NT5C3B: variants seen among roughly 807,000 people sequenced by gnomAD.
NT5C3B encodes 7-methylguanosine phosphate-specific 5'-nucleotidase.
In NT5C3B, 28 loss-of-function variants were observed where a neutral mutation model predicts 32.5. The observed-to-expected ratio is 0.86, with a 90% confidence interval of 0.64 to 1.18. NT5C3B has a LOEUF of 1.18. NT5C3B is among the 50% of genes most tolerant of loss of function. The probability of loss-of-function intolerance (pLI) is 0.00; values close to 1 mark genes in which losing one functional copy is unlikely to be tolerated. For missense variants in NT5C3B, 317 were observed against 322.0 expected (o/e 0.98, Z 0.12); for synonymous variants, 138 against 118.0 (o/e 1.17, Z -1.10).
intron 6 of NT5C3B, 151 bp downstream of exon 6, chr17:41,830,650 C>T (rs1258663684): frequency 6.4e-6 from 4 of 626,898 alleles, no homozygotes; most frequent in Non-Finnish European, 1.1e-5. Context: ...GTAAGAAATG[C>T]TTTAGCTGTA....
chr17:41,829,575 A>G (rs1283411570), intron 6 of NT5C3B, among the ~76,000 whole-genome samples: 2 of 152,094 alleles, frequency 1.3e-5, no homozygotes, highest in East Asian at 3.9e-4. Flanking sequence ...CTCATACACA[A>G]TGTACTCTTT....
At chr17:41,826,704 T>C (rs1298118826) in intron 8 of NT5C3B, among the ~76,000 whole-genome samples, 1 of 151,656 alleles carries the variant, frequency 6.6e-6, no homozygotes, top group South Asian at 2.1e-4. Flanking sequence ...AAATAAATTT[T>C]ATTTATTTTA....
chr17:41,831,791 CATG>C (rs2048056114), intron 5 of NT5C3B, among the ~76,000 whole-genome samples: 1 of 152,200 alleles, frequency 6.6e-6, no homozygotes. Context: ...TGCAGTGGCT[CATG>C]CCTGTAACCC....
At chr17:41,835,988 C>T (rs781936281) in intron 1 of NT5C3B, 31 bp from the exon 2 acceptor site, 14 of 1,536,230 alleles carry the variant, frequency 9.1e-6, no homozygotes, top group African/African-American at 8.3e-5. Flanking sequence ...ACCACTGACC[C>T]CTGCGCCACG....
intron 4 of NT5C3B, among the ~76,000 whole-genome samples, chr17:41,834,252 C>T (rs979424484): frequency 6.6e-6 from 1 of 151,830 alleles, no homozygotes; most frequent in South Asian, 2.1e-4. Context: ...AAAAATTAGC[C>T]GGGCATGGTG....
At chr17:41,831,816 G>A (rs2048056550) in intron 5 of NT5C3B, among the ~76,000 whole-genome samples, 1 of 152,168 alleles carries the variant, frequency 6.6e-6, no homozygotes, top group African/African-American at 2.4e-5. Flanking sequence ...AAGACTTTGG[G>A]AGGCCGAAGT....
At position 41,825,667 on chromosome 17, in the gene NT5C3B, A is replaced by G. The variant is rs782623657; in HGVS notation, c.769-10T>C. On this transcript the variant is annotated splice_polypyrimidine_tract_variant and intron_variant, in intron 8 of 8. Coordinates refer to ENST00000435506, the MANE Select transcript of NT5C3B (RefSeq NM_052935.5). ...CCCGCCGCTCCTCCACCTGCCCGGA[A>G]TGAGAGGCAGAAGCCAGAGGGTCCC... The G allele has an allele frequency of 1.1e-6, 1 of 872,646 alleles. No individual in the cohort carries two copies. Among genetic ancestry groups the G allele is most frequent in the Non-Finnish European group, 2.0e-6 (1 of 501,564 alleles). 54.1% of individuals were successfully genotyped at this position (872,646 alleles called of 1,614,324 possible).
chr17:41,825,979 C>T (rs2047954101), intron 8 of NT5C3B, among the ~76,000 whole-genome samples: 1 of 152,064 alleles, frequency 6.6e-6, no homozygotes, highest in African/African-American at 2.4e-5. Flanking sequence ...GCCCAGGCAA[C>T]ATGGCAAAAG....
intron 2 of NT5C3B, 171 bp downstream of exon 2, chr17:41,835,688 A>C (rs1555619812): frequency 1.4e-6 from 1 of 737,136 alleles, no homozygotes; most frequent in Admixed American, 2.0e-5. Context: ...GAAATCTGAA[A>C]TTTGGGTTTT....
intron 8 of NT5C3B, among the ~76,000 whole-genome samples, chr17:41,827,037 T>C (rs1597916099): frequency 6.7e-6 from 1 of 148,218 alleles, no homozygotes; most frequent in South Asian, 2.1e-4. Context: ...CTGGGTGCAG[T>C]GGCTCATGCC....
intron 6 of NT5C3B, among the ~76,000 whole-genome samples, chr17:41,830,314 T>G (rs2048029782): frequency 1.3e-5 from 2 of 152,154 alleles, no homozygotes; most frequent in African/African-American, 4.8e-5. Flanking sequence ...ATTGAGACCA[T>G]CTGGCCAACA....
At chr17:41,829,016 T>G in intron 6 of NT5C3B, 64 bp from the exon 7 acceptor site, 2 of 1,505,650 alleles carry the variant, frequency 1.3e-6, no homozygotes, top group South Asian at 1.3e-5. Context: ...GTTTCCTATT[T>G]GGGTTGTTTT....
rs2048005672 is a variant in NT5C3B at position 41,828,829 on chromosome 17, G to A, written c.528C>T (p.Asn176=). 1 of 1,613,914 alleles carries A rather than the reference G, an allele frequency of 6.2e-7. No homozygotes were observed. Among genetic ancestry groups the A allele is most frequent in the African/African-American group, 1.3e-5 (1 of 74,906 alleles). ...IIRQMKVFHP[N]IHIVSNYMDF... The stretch of plus-strand genomic sequence containing the variant: ...CCATGTAGTTAGACACGATGTGGAT[G>A]TTGGGGTGGAACACTTTCATCTGTC... Residue 176 remains asparagine (N), a synonymous_variant, in exon 7 of 9, where the codon AAC becomes AAT. Transcript: ENST00000435506.
rs782805798 is a variant in NT5C3B, at chr17:41,825,579, C to T, written c.847G>A (p.Gly283Arg). The change falls in exon 9 of 9, where the codon GGG becomes AGG. Residue 283 changes from glycine to arginine, a missense_variant. Coordinates refer to ENST00000435506, the MANE Select transcript of NT5C3B (RefSeq NM_052935.5). ...EKDETLDVVNGLLQHILCQGV... is the reference protein window; with the variant it reads ...EKDETLDVVNRLLQHILCQGV... ...TGGCACAGGATGTGCTGCAGTAGCC[C>T]GTTGACCACATCCAGAGTCTCGTCC... 1.7e-5 allele frequency: 15 copies of T among 872,740 alleles called. No individual in the cohort carries two copies. The highest frequency in any genetic ancestry group is 8.4e-5 in the Admixed American group (5 of 59,178). 54.1% of individuals were successfully genotyped at this position (872,740 alleles called of 1,614,324 possible). A position where few individuals can be genotyped will look rare whatever the true frequency, so the allele number is the denominator to read the frequency against.
chr17:41,826,582 G>A (rs1327146973), intron 8 of NT5C3B, among the ~76,000 whole-genome samples: 1 of 151,794 alleles, frequency 6.6e-6, no homozygotes, highest in East Asian at 1.9e-4. Context: ...GGAGTGCAGT[G>A]GCGCAATCTC....
rs2048123310 is a variant in NT5C3B at position 41,835,108 on chromosome 17, C to A, written c.190G>T (p.Asp64Tyr). 1 of 1,614,152 alleles carries A rather than the reference C, an allele frequency of 6.2e-7. No homozygotes were observed. Among genetic ancestry groups the A allele is most frequent in the South Asian group, 1.1e-5 (1 of 91,082 alleles). Residue 64 changes from aspartate (D) to tyrosine (Y), a missense_variant, in exon 4 of 9, where the codon GAT becomes TAT. Transcript: ENST00000435506. ...TCCTCACTGATGATCTTGCTATTATCCAGAATATCTGGAAAAAGAGAAAAC... is the reference window on the plus strand; with the variant it reads ...TCCTCACTGATGATCTTGCTATTATACAGAATATCTGGAAAAAGAGAAAAC... The part of the protein sequence containing the change: ...KRCPSSYNIL[D>Y]NSKIISEECR...
rs1555618344 is a variant in NT5C3B, at chr17:41,827,427, T to C, written c.767A>G (p.Lys256Arg). The C allele has an allele frequency of 3.4e-6, 3 of 872,438 alleles. No homozygotes were observed. In the African/African-American group the frequency reaches 4.9e-5, roughly 14 times the overall value. The allele number at this position is 872,438 out of a possible 1,614,324, so 54.0% of individuals were successfully genotyped here. A position where few individuals can be genotyped will look rare whatever the true frequency, so the allele number is the denominator to read the frequency against. ...AAGCAGCCCTGGTCCTCTACCCACC[T>C]TGTCATTCAGGAAGCCAATTTTGAG... ...NILKIGFLND[K>R]VEERRERYMD... Residue 256 changes from lysine (K) to arginine (R), a missense_variant and splice_region_variant, in exon 8 of 9, where the codon AAG becomes AGG. Physicochemically the swap from Lys to Arg is conservative, Grantham distance 26. Transcript: ENST00000435506.
At chr17:41,827,054 C>T (rs1450300567) in intron 8 of NT5C3B, among the ~76,000 whole-genome samples, 6 of 151,040 alleles carry the variant, frequency 4.0e-5, no homozygotes, top group Non-Finnish European at 7.4e-5. Context: ...TGCCTGTAAT[C>T]CCAGCACTTT....
chr17:41,826,239 T>TTTC (rs1555618161), intron 8 of NT5C3B, among the ~76,000 whole-genome samples: 9 of 146,958 alleles, frequency 6.1e-5, no homozygotes, highest in African/African-American at 2.4e-4. Flanking sequence ...TTCTTTCTTT[T>TTTC]TTGAGATAGG....
Sources: gnomAD v4.1 joint callset for allele counts (sites outside exome capture counted in the v4.1 genomes callset) on GRCh38, gnomAD v4.1.1 for gene constraint, MANE v1.5 for transcripts, NCBI Gene and HGNC (gene_info 2026-07-23, HGNC 2026-07-21) for gene names.